CDC42EP4: variants seen among roughly 807,000 people sequenced by gnomAD.
The protein encoded by CDC42EP4 is CDC42 effector protein 4, also known as CDC42 effector protein (Rho GTPase binding) 4.
CDC42EP4 carries 6 observed loss-of-function variants against 5.6 expected under a neutral mutation model. The observed-to-expected ratio is 1.07, with a 90% CI of 0.59 to 2.12. The LOEUF is 2.12. CDC42EP4 is among the 30% of genes most tolerant of loss of function. The pLI is 0.00. For synonymous variants in CDC42EP4, 230 were observed against 224.2 expected, an observed-to-expected ratio of 1.03 and a Z score of -0.23; for missense variants, 490 against 508.6, an observed-to-expected ratio of 0.96 and a Z score of 0.35.
At chr17:73,302,992 C>G (rs1266551503) in intron 1 of CDC42EP4, among the ~76,000 whole-genome samples, 1 of 141,804 alleles carries the variant, frequency 7.1e-6, no homozygotes, top group Non-Finnish European at 1.5e-5. Context: ...TGCAGTGAGC[C>G]GAGATGGCGC....
chr17:73,289,069 C>T (rs1005765623), intron 1 of CDC42EP4, among the ~76,000 whole-genome samples: 1 of 152,226 alleles, frequency 6.6e-6, no homozygotes, highest in African/African-American at 2.4e-5. Context: ...CCACCTCAAC[C>T]TCTAAACAAT....
intron 1 of CDC42EP4, among the ~76,000 whole-genome samples, chr17:73,298,809 G>A (rs1047265798): frequency 2.0e-5 from 3 of 152,314 alleles, no homozygotes; most frequent in African/African-American, 4.8e-5. Flanking sequence ...GCTCCGCTGC[G>A]TGCCAAGCAC....
At chr17:73,300,692 C>T (rs1490321335) in intron 1 of CDC42EP4, among the ~76,000 whole-genome samples, 2 of 152,134 alleles carry the variant, frequency 1.3e-5, no homozygotes, top group East Asian at 3.8e-4. Flanking sequence ...ACACAATATA[C>T]CCATGTAACA....
In CDC42EP4 at chr17:73,308,251, A is replaced by G. The variant is rs374663744; in HGVS notation, c.-113+3642T>C. ...CCCCTCAAAGTGTCCCCAGCTCCAG[A>G]ATTTGGTTCTTTTCCTCACGGTCGG... On this transcript the variant is annotated intron_variant, in intron 1 of 1. Coordinates refer to ENST00000335793, the MANE Select transcript of CDC42EP4 (RefSeq NM_012121.5). Among the ~76,000 whole-genome samples the G allele has an allele frequency of 7.2e-5, 11 of 152,228 alleles. 1 individual carries two copies. The East Asian group carries it at 1.2e-3, about 16-fold the overall frequency.
intron 1 of CDC42EP4, chr17:73,311,359 G>C (rs1484823792): frequency 2.0e-5 from 3 of 152,284 alleles, no homozygotes; most frequent in Non-Finnish European, 2.9e-5. Flanking sequence ...GTGTGTACGA[G>C]AGCGAGATGT....
intron 1 of CDC42EP4, among the ~76,000 whole-genome samples, chr17:73,308,165 C>T (rs148850579): frequency 6.6e-6 from 1 of 152,210 alleles, no homozygotes; most frequent in Non-Finnish European, 1.5e-5. Flanking sequence ...TGGGCTTGGC[C>T]TTCCTAGAGC....
chr17:73,300,856 G>A (rs753526703), intron 1 of CDC42EP4, among the ~76,000 whole-genome samples: 15 of 152,010 alleles, frequency 9.9e-5, no homozygotes, highest in Admixed American at 3.9e-4. Flanking sequence ...AAACCAGACC[G>A]GCCAGCATGG....
intron 1 of CDC42EP4, among the ~76,000 whole-genome samples, chr17:73,290,754 C>G (rs553729306): frequency 1.3e-5 from 2 of 152,240 alleles, no homozygotes; most frequent in South Asian, 4.1e-4. Flanking sequence ...CATGGCGGCA[C>G]GAGCCCCCAG....
chr17:73,290,630 C>T (rs746583616), intron 1 of CDC42EP4, among the ~76,000 whole-genome samples: 15 of 152,172 alleles, frequency 9.9e-5, no homozygotes, highest in African/African-American at 2.7e-4. Flanking sequence ...AGTTGAGAAA[C>T]AGCAGCCTTG....
At chr17:73,310,187 T>C (rs970447896) in intron 1 of CDC42EP4, 1 of 152,358 alleles carries the variant, frequency 6.6e-6, no homozygotes, top group Non-Finnish European at 1.5e-5. Flanking sequence ...ATCCCTTCCT[T>C]TGTGGCCTGT....
chr17:73,308,525 C>T (rs192879208), intron 1 of CDC42EP4, among the ~76,000 whole-genome samples: 47 of 152,358 alleles, frequency 3.1e-4, no homozygotes, highest in Admixed American at 3.0e-3. Context: ...ACCCTGACCA[C>T]TCTGACTTCT....
chr17:73,284,856 G>C lies in CDC42EP4; in HGVS notation c.*574C>G, dbSNP rs1487020497. ...AGGGCTGCGTTTAGTGCACATGCTC[G>C]CAGCTGGCCCCCCGTCCAGCTCAGC... is the stretch of plus-strand genomic sequence containing the variant. On this transcript the variant is annotated 3_prime_UTR_variant, in exon 2 of 2. Coordinates refer to ENST00000335793, the MANE Select transcript of CDC42EP4 (RefSeq NM_012121.5). 7 of 152,202 alleles carry C rather than the reference G, an allele frequency of 4.6e-5. No homozygotes were observed. The highest frequency in any genetic ancestry group is 8.8e-5 in the Non-Finnish European group (6 of 68,060). The allele number at this position is 152,202 out of a possible 1,614,324, so 9.4% of individuals were successfully genotyped here.
intron 1 of CDC42EP4, among the ~76,000 whole-genome samples, chr17:73,304,506 T>C (rs1384019069): frequency 2.0e-5 from 3 of 152,010 alleles, no homozygotes; most frequent in Non-Finnish European, 1.5e-5. Context: ...GAGTTATCAC[T>C]ATCATCCCCA....
At chr17:73,304,524 G>A (rs2062235255) in intron 1 of CDC42EP4, among the ~76,000 whole-genome samples, 1 of 151,948 alleles carries the variant, frequency 6.6e-6, no homozygotes, top group Admixed American at 6.6e-5. Context: ...CCAGCTCACA[G>A]ATAAGAGCAC....
chr17:73,304,486 C>A (rs1374577647), intron 1 of CDC42EP4, among the ~76,000 whole-genome samples: 1 of 152,082 alleles, frequency 6.6e-6, no homozygotes, highest in Non-Finnish European at 1.5e-5. Context: ...TTCTTCCCAA[C>A]AATCCCATGG....
intron 1 of CDC42EP4, among the ~76,000 whole-genome samples, chr17:73,293,175 G>C (rs368084910): frequency 2.0e-5 from 3 of 152,328 alleles, no homozygotes; most frequent in Admixed American, 6.5e-5. Context: ...GGTCATTATA[G>C]GTGTACAAGG....
At chr17:73,291,176 T>G (rs1226886201) in intron 1 of CDC42EP4, among the ~76,000 whole-genome samples, 1 of 152,014 alleles carries the variant, frequency 6.6e-6, no homozygotes, top group African/African-American at 2.4e-5. Context: ...GCTGCCACGG[T>G]CTCGCTTCCT....
At chr17:73,296,914 G>A (rs1030450010) in intron 1 of CDC42EP4, among the ~76,000 whole-genome samples, 6 of 144,206 alleles carry the variant, frequency 4.2e-5, no homozygotes, top group Non-Finnish European at 7.5e-5. Context: ...CCGGGAGGCG[G>A]AGCTTGCAGT....
At chr17:73,302,411 G>A (rs1043694436) in intron 1 of CDC42EP4, among the ~76,000 whole-genome samples, 5 of 152,100 alleles carry the variant, frequency 3.3e-5, no homozygotes, top group African/African-American at 4.8e-5. Flanking sequence ...ATCTAATCCA[G>A]CAGCCACAAG....
Sources: gnomAD v4.1 joint callset for allele counts (sites outside exome capture counted in the v4.1 genomes callset) on GRCh38, gnomAD v4.1.1 for gene constraint, MANE v1.5 for transcripts, NCBI Gene and HGNC (gene_info 2026-07-23, HGNC 2026-07-21) for gene names.